Variants in ARHGAP15 observed in about 807,000 individuals in gnomAD.
The protein encoded by ARHGAP15 is rho GTPase-activating protein 15.
In ARHGAP15, 51 loss-of-function variants were observed where a neutral mutation model predicts 63.7. The observed-to-expected ratio is 0.80, with a 90% CI of 0.64 to 1.01. The LOEUF (loss-of-function observed/expected upper bound fraction) is 1.01. Among genes scored for constraint, ARHGAP15 ranks in the 50% least tolerant of loss-of-function variants. ARHGAP15 has a pLI of 0.00. For missense variants in ARHGAP15, 560 were observed against 564.6 expected (o/e 0.99, Z 0.08); for synonymous variants, 191 against 193.8 (o/e 0.99, Z 0.12).
At chr2:143,736,921 T>C (rs1215006254) in intron 13 of ARHGAP15, among the ~76,000 whole-genome samples, 1 of 152,220 alleles carries the variant, frequency 6.6e-6, no homozygotes, top group Non-Finnish European at 1.5e-5. Flanking sequence ...GAAAACACTT[T>C]AGTAATTTTA....
intron 8 of ARHGAP15, among the ~76,000 whole-genome samples, chr2:143,459,784 T>TA (rs1328094817): frequency 6.6e-6 from 1 of 152,158 alleles, no homozygotes. Flanking sequence ...GGCCTTTGTT[T>TA]AAAAAATCAT....
chr2:143,166,633 T>C (rs1203660984), intron 2 of ARHGAP15, among the ~76,000 whole-genome samples: 1 of 152,076 alleles, frequency 6.6e-6, no homozygotes, highest in Non-Finnish European at 1.5e-5. Flanking sequence ...GTACGTTGCA[T>C]TTTACCACAA....
intron 6 of ARHGAP15, among the ~76,000 whole-genome samples, chr2:143,272,213 GA>G (rs1681321622): frequency 6.6e-6 from 1 of 152,226 alleles, no homozygotes; most frequent in Non-Finnish European, 1.5e-5. Context: ...TGATGATTGT[GA>G]GGCTTTGCTG....
chr2:143,671,326 G>C (rs1682514546), intron 12 of ARHGAP15, among the ~76,000 whole-genome samples: 1 of 152,006 alleles, frequency 6.6e-6, no homozygotes, highest in African/African-American at 2.4e-5. Flanking sequence ...TACTTGAGTG[G>C]CTGCCTGGAA....
intron 9 of ARHGAP15, among the ~76,000 whole-genome samples, chr2:143,497,931 G>A (rs1306485569): frequency 3.3e-5 from 5 of 152,158 alleles, no homozygotes; most frequent in South Asian, 2.1e-4. Context: ...GATAGTACAT[G>A]TCAGAGCTCT....
intron 12 of ARHGAP15, among the ~76,000 whole-genome samples, chr2:143,684,572 T>A (rs1371141725): frequency 6.6e-6 from 1 of 152,172 alleles, no homozygotes; most frequent in Non-Finnish European, 1.5e-5. Context: ...TCTGCTGAAC[T>A]TGCTGCCCAG....
intron 6 of ARHGAP15, among the ~76,000 whole-genome samples, chr2:143,365,057 CAGGAA>C (rs1686236328): frequency 6.6e-6 from 1 of 152,040 alleles, no homozygotes; most frequent in Non-Finnish European, 1.5e-5. Context: ...TAACAAGACA[CAGGAA>C]AGGAAGGTGG....
chr2:143,598,953 G>A (rs1574685976), intron 11 of ARHGAP15, among the ~76,000 whole-genome samples: 1 of 151,290 alleles, frequency 6.6e-6, no homozygotes, highest in East Asian at 1.9e-4. Context: ...AAAAAACTAA[G>A]TTTTATTTTA....
intron 5 of ARHGAP15, among the ~76,000 whole-genome samples, chr2:143,235,281 A>G (rs1426346209): frequency 7.0e-6 from 1 of 143,812 alleles, no homozygotes; most frequent in Admixed American, 7.0e-5. Flanking sequence ...GAAGAAGGCG[A>G]GCTCACATCT....
chr2:143,356,631 C>G (rs1310619860), intron 6 of ARHGAP15, among the ~76,000 whole-genome samples: 1 of 152,046 alleles, frequency 6.6e-6, no homozygotes, highest in Non-Finnish European at 1.5e-5. Context: ...CCCCAACTCC[C>G]TGAAGAAGAA....
rs1200699249 is a variant in ARHGAP15 at position 143,355,163 on chromosome 2, T to C, written c.475-80438T>C. 2.0e-5 allele frequency among the ~76,000 whole-genome samples: 3 copies of C among 152,302 alleles called. No individual in the cohort carries two copies. In the East Asian group the frequency reaches 5.8e-4, roughly 29 times the overall value. ...AATGTGATGAAGCTGTGTAAAAATA[T>C]TTAAGAATTAGAAGGCTTTATATAA... On this transcript the variant is annotated intron_variant, in intron 6 of 13. Coordinates refer to ENST00000295095, the MANE Select transcript of ARHGAP15 (RefSeq NM_018460.4).
chr2:143,429,223 T>TG (rs533994350), intron 6 of ARHGAP15, among the ~76,000 whole-genome samples: 2 of 81,106 alleles, frequency 2.5e-5, no homozygotes, highest in Non-Finnish European at 3.6e-5. Flanking sequence ...CATGAGGGTT[T>TG]TTTTTTTTTT....
chr2:143,258,320 C>T (rs1210255730), intron 6 of ARHGAP15, among the ~76,000 whole-genome samples: 3 of 151,834 alleles, frequency 2.0e-5, no homozygotes, highest in Admixed American at 6.6e-5. Flanking sequence ...ATCTGGGCAG[C>T]GGTGAGCAAA....
intron 12 of ARHGAP15, chr2:143,676,165 C>A: frequency 6.4e-6 from 1 of 155,866 alleles, no homozygotes; most frequent in Non-Finnish European, 1.4e-5. Context: ...TCTCAGCATT[C>A]ATTGCAATTG....
At chr2:143,669,863 A>G (rs564847289) in intron 12 of ARHGAP15, among the ~76,000 whole-genome samples, 62 of 152,324 alleles carry the variant, frequency 4.1e-4, no homozygotes, top group African/African-American at 1.4e-3. Flanking sequence ...GAGCCAGGAT[A>G]TATCTGATCT....
chr2:143,644,571 C>G (rs1380708676), intron 12 of ARHGAP15, among the ~76,000 whole-genome samples: 1 of 152,014 alleles, frequency 6.6e-6, no homozygotes, highest in East Asian at 1.9e-4. Context: ...GTATCATGTT[C>G]TGAGCCCCAA....
intron 6 of ARHGAP15, among the ~76,000 whole-genome samples, chr2:143,257,707 T>C (rs1458761464): frequency 6.6e-6 from 1 of 152,076 alleles, no homozygotes; most frequent in South Asian, 2.1e-4. Context: ...CAACGCACTT[T>C]CTCTGTTTTC....
chr2:143,175,657 C>G (rs1170425874), intron 2 of ARHGAP15, among the ~76,000 whole-genome samples: 1 of 152,158 alleles, frequency 6.6e-6, no homozygotes. Flanking sequence ...CTTGGGGTGA[C>G]TAACGCTCTC....
chr2:143,534,009 C>T (rs1398921702), intron 10 of ARHGAP15, among the ~76,000 whole-genome samples: 1 of 152,176 alleles, frequency 6.6e-6, no homozygotes, highest in Non-Finnish European at 1.5e-5. Context: ...TGACACCTCT[C>T]ATCTCTCCAG....
Sources: gnomAD v4.1 joint callset for allele counts (sites outside exome capture counted in the v4.1 genomes callset) on GRCh38, gnomAD v4.1.1 for gene constraint, MANE v1.5 for transcripts, NCBI Gene and HGNC (gene_info 2026-07-23, HGNC 2026-07-21) for gene names.